LATS2: variants seen among roughly 807,000 people sequenced by gnomAD.
The protein encoded by LATS2 is serine/threonine-protein kinase LATS2.
In LATS2, 24 loss-of-function variants were observed where a neutral mutation model predicts 76.0. That is an observed-to-expected ratio of 0.32 (90% confidence interval 0.23 to 0.44). LATS2 has a LOEUF of 0.44. Ranked by LOEUF, LATS2 falls within the 20% of genes least tolerant of loss-of-function variation. The pLI is 1.00. For synonymous variants in LATS2, 692 were observed against 635.4 expected (o/e 1.09, Z -1.34); for missense variants, 1,286 against 1,481.2 (o/e 0.87, Z 2.16).
intron 2 of LATS2, among the ~76,000 whole-genome samples, chr13:20,997,556 G>C (rs1870809629): frequency 6.6e-6 from 1 of 152,180 alleles, no homozygotes. Context: ...CTCTGTTGCA[G>C]GTACATCACC....
intron 1 of LATS2, among the ~76,000 whole-genome samples, chr13:21,052,348 C>G (rs7992062): frequency 0.014 from 2,096 of 152,204 alleles, 65 homozygotes; most frequent in African/African-American, 0.048. Flanking sequence ...AGTGACTCCT[C>G]TTTATTTTTT....
intron 2 of LATS2, among the ~76,000 whole-genome samples, chr13:21,021,451 G>GGCA (rs1872056385): frequency 7.9e-6 from 1 of 126,750 alleles, no homozygotes; most frequent in African/African-American, 3.1e-5. Context: ...CCAGAGCCCG[G>GGCA]GCAGCAGAGT....
At chr13:20,987,205 A>T (rs888871474) in intron 4 of LATS2, among the ~76,000 whole-genome samples, 2 of 90,214 alleles carry the variant, frequency 2.2e-5, no homozygotes, top group East Asian at 4.7e-4. Context: ...AAAATAAATT[A>T]AAAAATAAAA....
Position 21,007,683 on chromosome 13 carries a change from G to GTGTGTA in LATS2, c.343-16280_343-16279insTACACA, listed in dbSNP as rs1555225497. On this transcript the variant is annotated intron_variant, in intron 2 of 7. Coordinates refer to ENST00000382592, the MANE Select transcript of LATS2 (RefSeq NM_014572.3). ...TATATAGTGTGTATATATATATATA[G>GTGTGTA]TATATATATATATATAGTATGTATA... 8.5e-3 allele frequency among the ~76,000 whole-genome samples: 3 copies of GTGTGTA among 354 alleles called. 1 individual carries two copies. Among genetic ancestry groups the GTGTGTA allele is most frequent in the Non-Finnish European group, 0.06 (3 of 50 alleles). The allele number at this position is 354 out of a possible 152,430, so 0.2% of individuals were successfully genotyped here.
chr13:20,984,720 G>C (rs535538499), intron 4 of LATS2, among the ~76,000 whole-genome samples: 175 of 152,264 alleles, frequency 1.1e-3, no homozygotes, highest in Middle Eastern at 3.4e-3. Context: ...CCGACAGAAA[G>C]ATTTAATATT....
chr13:20,988,686 G>A lies in LATS2; in HGVS notation c.1094C>T (p.Thr365Ile). ...LNVDLYELGS[T>I]SVQQWPAATL... is the part of the protein sequence containing the mutation. ...GGCAGCCGGCCACTGCTGGACGGAGGTGCTGCCCAATTCATACAGGTCCAC... is the reference window on the plus strand; with the variant it reads ...GGCAGCCGGCCACTGCTGGACGGAGATGCTGCCCAATTCATACAGGTCCAC... The change falls in exon 4 of 8, where the codon ACC (threonine) becomes ATC (isoleucine). Residue 365 changes from threonine (T) to isoleucine (I), a missense_variant. This residue lies in a region of LATS2 where 710 missense variants were observed against 660.9 expected (regional missense o/e 1.07). Transcript: ENST00000382592. 1.3e-6 allele frequency: 2 copies of A among 1,573,188 alleles called. No individual in the cohort carries two copies. The highest frequency in any genetic ancestry group is 8.6e-7 in the Non-Finnish European group (1 of 1,168,852).
chr13:21,040,089 A>G (rs940939263), intron 2 of LATS2, among the ~76,000 whole-genome samples: 2 of 151,716 alleles, frequency 1.3e-5, no homozygotes, highest in African/African-American at 4.8e-5. Context: ...AAAAAAAAAG[A>G]AAGAAAGAAA....
At position 20,973,512 on chromosome 13, in the gene LATS2, C is replaced by CTG. The variant is rs1157095470; in HGVS notation, c.*1357_*1358insCA. 3.8e-5 allele frequency: 5 copies of CTG among 131,950 alleles called. No homozygotes were observed. Among genetic ancestry groups the CTG allele is most frequent in the African/African-American group, 2.2e-4 (5 of 22,234 alleles). 8.2% of individuals were successfully genotyped at this position (131,950 alleles called of 1,614,324 possible). Reference sequence around the variant, plus strand: ...TTGAAATAAGGAATATTGTGTTTATCTCTGTGTGTGTGTGTGTGTGTGTAT... The same window carrying CTG: ...TTGAAATAAGGAATATTGTGTTTATCTGTCTGTGTGTGTGTGTGTGTGTGTAT... On this transcript the variant is annotated 3_prime_UTR_variant, in exon 8 of 8. Transcript: ENST00000382592.
At chr13:21,028,190 T>C (rs926793862) in intron 2 of LATS2, among the ~76,000 whole-genome samples, 8 of 152,326 alleles carry the variant, frequency 5.3e-5, no homozygotes, top group East Asian at 3.9e-4. Flanking sequence ...TTTGGTTTTT[T>C]GTCCTTGCGA....
chr13:21,031,870 G>C (rs956479205), intron 2 of LATS2, among the ~76,000 whole-genome samples: 2 of 152,104 alleles, frequency 1.3e-5, no homozygotes, highest in Admixed American at 1.3e-4. Context: ...AAAATTTTCT[G>C]TCTGTGCATC....
Position 20,989,270 on chromosome 13 carries a change from C to T in LATS2, c.510G>A (p.Arg170=). Residue 170 remains arginine, a synonymous_variant, in exon 4 of 8, where the codon AGG becomes AGA. Coordinates refer to ENST00000382592, the MANE Select transcript of LATS2 (RefSeq NM_014572.3). ...AATCGCCGGTTCCTTCGAAGCTGGG[C>T]CTCCGCGTCACTGGGGTTGGCATGA... is the stretch of plus-strand genomic sequence containing the variant. ...KGLMPTPVTR[R]PSFEGTGDSF... 1 of 1,613,998 alleles carries T rather than the reference C, an allele frequency of 6.2e-7. No individual in the cohort carries two copies. The highest frequency in any genetic ancestry group is 1.1e-5 in the South Asian group (1 of 91,082).
At chr13:20,977,029 T>C (rs1410634395) in intron 7 of LATS2, among the ~76,000 whole-genome samples, 1 of 152,104 alleles carries the variant, frequency 6.6e-6, no homozygotes, top group Non-Finnish European at 1.5e-5. Flanking sequence ...CAACAATGGA[T>C]GAACCCTGAG....
chr13:21,045,642 C>A, intron 2 of LATS2, 43 bp downstream of exon 2: 1 of 1,503,520 alleles, frequency 6.7e-7, no homozygotes, highest in South Asian at 1.2e-5. Flanking sequence ...CCAGCTGTCC[C>A]ATAGCTGCCT....
intron 2 of LATS2, among the ~76,000 whole-genome samples, chr13:21,025,706 T>C (rs1031118918): frequency 1.3e-5 from 2 of 152,182 alleles, no homozygotes; most frequent in East Asian, 1.9e-4. Context: ...TATTTGGACA[T>C]ACTAAATGTA....
In LATS2 at chr13:20,974,040, ATTTC is replaced by A; in HGVS notation, c.*826_*829del. 1 of 212,276 alleles carries A rather than the reference ATTTC, an allele frequency of 4.7e-6. No homozygotes were observed. Among genetic ancestry groups the A allele is most frequent in the African/African-American group, 2.4e-5 (1 of 42,384 alleles). 13.1% of individuals were successfully genotyped at this position (212,276 alleles called of 1,614,324 possible). Reference sequence around the variant, plus strand: ...AATCACTTCTCAGTTACACATCTGCATTTCTTTAACAAAACAGTAAGAGATACAA... The same window carrying A: ...AATCACTTCTCAGTTACACATCTGCATTTAACAAAACAGTAAGAGATACAA... On this transcript the variant is annotated 3_prime_UTR_variant, in exon 8 of 8. Transcript: ENST00000382592.
chr13:21,000,454 T>G (rs576390484), intron 2 of LATS2, among the ~76,000 whole-genome samples: 23 of 152,292 alleles, frequency 1.5e-4, no homozygotes, highest in African/African-American at 5.5e-4. Flanking sequence ...ACCAAAAATA[T>G]TCAGGGGTGA....
chr13:21,034,113 C>G (rs937263867), intron 2 of LATS2, among the ~76,000 whole-genome samples: 2 of 152,304 alleles, frequency 1.3e-5, no homozygotes, highest in African/African-American at 4.8e-5. Context: ...ACTGCCACCT[C>G]TGCATACCAA....
At position 20,979,714 on chromosome 13, in the gene LATS2, T is replaced by C. The variant is rs181062581; in HGVS notation, c.2749A>G (p.Thr917Ala). 6.2e-7 allele frequency: 1 copy of C among 1,609,590 alleles called. No homozygotes were observed. Among genetic ancestry groups the C allele is most frequent in the South Asian group, 1.1e-5 (1 of 90,808 alleles). The part of the protein sequence containing the change: ...LVGQPPFLAP[T>A]PTETQLKVIN... The stretch of plus-strand genomic sequence containing the variant: ...ACCTTCAGCTGGGTTTCTGTGGGAG[T>C]AGGTGCCAAAAAGGGCGGCTGCCCC... Residue 917 changes from threonine to alanine, a missense_variant, in exon 7 of 8, where the codon ACT (threonine) becomes GCT (alanine). By Grantham distance (58) the Thr-to-Ala change is moderately conservative (BLOSUM62 0). This residue lies in a region of LATS2 where 210 missense variants were observed against 234.9 expected (regional missense o/e 0.89). Coordinates refer to ENST00000382592, the MANE Select transcript of LATS2 (RefSeq NM_014572.3).
At chr13:21,047,701 A>AT (rs1226881696) in intron 1 of LATS2, among the ~76,000 whole-genome samples, 3 of 151,678 alleles carry the variant, frequency 2.0e-5, no homozygotes, top group African/African-American at 4.8e-5. Context: ...TTTCAAGTGG[A>AT]TTAAAAAAAA....
Sources: allele counts gnomAD v4.1 joint callset (sites outside exome capture counted in the v4.1 genomes callset), GRCh38; gene constraint gnomAD v4.1.1; regional missense constraint gnomAD v4.1.1; transcripts MANE v1.5; gene names NCBI Gene and HGNC (gene_info 2026-07-23, HGNC 2026-07-21).